NELL1: variants seen among roughly 807,000 people sequenced by gnomAD.
The protein encoded by NELL1 is neural EGFL like 1, also known as protein kinase C-binding protein NELL1.
In NELL1, 76 loss-of-function variants were observed where a neutral mutation model predicts 107.4. The observed-to-expected ratio is 0.71, with a 90% CI of 0.59 to 0.86. The LOEUF (loss-of-function observed/expected upper bound fraction) is 0.86, where lower values mean the gene tolerates loss of function less well. Among genes scored for constraint, NELL1 ranks in the 40% least tolerant of loss-of-function variants. The pLI, the probability that NELL1 is intolerant of heterozygous loss-of-function variation, is 0.00. For missense variants in NELL1, 1,024 were observed against 1,005.5 expected (o/e 1.02, Z -0.25); for synonymous variants, 353 against 341.2 (o/e 1.03, Z -0.38).
chr11:20,787,505 A>G (rs1170570883), intron 3 of NELL1, among the ~76,000 whole-genome samples: 1 of 152,188 alleles, frequency 6.6e-6, no homozygotes, highest in Non-Finnish European at 1.5e-5. Flanking sequence ...TTTGGCATGG[A>G]CATTTGACCA....
chr11:20,808,852 G>A (rs1259491349), intron 3 of NELL1, among the ~76,000 whole-genome samples: 1 of 152,260 alleles, frequency 6.6e-6, no homozygotes, highest in Non-Finnish European at 1.5e-5. Context: ...TTGCTATGTG[G>A]CTGCTGCTGG....
At chr11:21,010,162 C>T (rs576697765) in intron 12 of NELL1, among the ~76,000 whole-genome samples, 2 of 152,144 alleles carry the variant, frequency 1.3e-5, no homozygotes, top group East Asian at 1.9e-4. Context: ...ATATGTGTTA[C>T]ATGGCTTGTG....
chr11:20,693,492 ATC>A, intron 2 of NELL1, among the ~76,000 whole-genome samples: 1 of 150,350 alleles, frequency 6.7e-6, no homozygotes, highest in East Asian at 2.0e-4. Flanking sequence ...GGTTGACAAA[ATC>A]TCTCAGCATT....
chr11:21,355,340 A>G (rs750919912), intron 14 of NELL1, among the ~76,000 whole-genome samples: 9 of 152,326 alleles, frequency 5.9e-5, no homozygotes, highest in Non-Finnish European at 1.0e-4. Context: ...CGGGGCTGAT[A>G]TATTTAAAAA....
At chr11:21,479,644 A>C (rs1343536214) in intron 15 of NELL1, among the ~76,000 whole-genome samples, 3 of 152,200 alleles carry the variant, frequency 2.0e-5, no homozygotes, top group Non-Finnish European at 4.4e-5. Context: ...ACTAAAGTCA[A>C]CAGTAATTCA....
chr11:21,538,266 A>G (rs1319213401), intron 16 of NELL1, among the ~76,000 whole-genome samples: 1 of 152,146 alleles, frequency 6.6e-6, no homozygotes, highest in Non-Finnish European at 1.5e-5. Context: ...AGATGAGGAT[A>G]ATAGCACCTT....
At chr11:20,732,600 A>G (rs533920485) in intron 2 of NELL1, among the ~76,000 whole-genome samples, 26 of 152,140 alleles carry the variant, frequency 1.7e-4, no homozygotes, top group African/African-American at 3.1e-4. Context: ...ATTTGCAGCA[A>G]GAGGGGAAAA....
Position 20,928,386 on chromosome 11 carries a change from G to A in NELL1, c.904G>A (p.Val302Met), listed in dbSNP as rs375631199. The A allele has an allele frequency of 1.2e-5, 20 of 1,613,656 alleles. No homozygotes were observed. The highest frequency in any genetic ancestry group is 1.6e-4 in the Middle Eastern group (1 of 6,082). Residue 302 changes from valine (V) to methionine (M), a missense_variant, in exon 9 of 20, where the codon GTG becomes ATG. Transcript: ENST00000357134. ...CRNCTCKSGAVECRRMSCPPL... is the reference protein window; with the variant it reads ...CRNCTCKSGAMECRRMSCPPL... ...GTCCTTCCTTCCTCAGAGTGGTGCC[G>A]TGGAATGCCGAAGGATGTCCTGTCC...
intron 5 of NELL1, among the ~76,000 whole-genome samples, chr11:20,916,432 G>T (rs1349576808): frequency 1.3e-5 from 2 of 151,914 alleles, no homozygotes; most frequent in Non-Finnish European, 2.9e-5. Context: ...AGGATTAGCG[G>T]GATGGGGTAT....
chr11:20,854,599 G>A (rs1176024484), intron 4 of NELL1, among the ~76,000 whole-genome samples: 5 of 152,158 alleles, frequency 3.3e-5, no homozygotes, highest in Admixed American at 6.5e-5. Flanking sequence ...ATCACTTGCT[G>A]GAGTAGATAC....
intron 12 of NELL1, among the ~76,000 whole-genome samples, chr11:21,079,633 A>G (rs1193084907): frequency 6.6e-6 from 1 of 152,106 alleles, no homozygotes; most frequent in Admixed American, 6.5e-5. Context: ...GTTCAAAGAA[A>G]GAATAAAACA....
chr11:21,252,116 A>G (rs749888413), intron 14 of NELL1, among the ~76,000 whole-genome samples: 1 of 152,186 alleles, frequency 6.6e-6, no homozygotes, highest in African/African-American at 2.4e-5. Flanking sequence ...CTATTTATAG[A>G]TGAGACAACA....
At chr11:20,798,025 T>C (rs946413956) in intron 3 of NELL1, among the ~76,000 whole-genome samples, 2 of 152,230 alleles carry the variant, frequency 1.3e-5, no homozygotes, top group Admixed American at 6.5e-5. Flanking sequence ...ACAAGACATC[T>C]GGATTCTGAG....
intron 3 of NELL1, among the ~76,000 whole-genome samples, chr11:20,804,807 A>G (rs759409867): frequency 6.6e-5 from 10 of 152,212 alleles, no homozygotes; most frequent in Non-Finnish European, 1.2e-4. Flanking sequence ...TATTTGGTCT[A>G]TAGAGCAGAC....
chr11:21,314,686 C>T (rs1237218119), intron 14 of NELL1, among the ~76,000 whole-genome samples: 2 of 152,152 alleles, frequency 1.3e-5, no homozygotes, highest in Non-Finnish European at 2.9e-5. Context: ...TTATTATGGC[C>T]TGTGAAACAG....
intron 13 of NELL1, among the ~76,000 whole-genome samples, chr11:21,189,854 T>C (rs1228806051): frequency 6.6e-6 from 1 of 151,820 alleles, no homozygotes; most frequent in Non-Finnish European, 1.5e-5. Flanking sequence ...AAAAAAGATA[T>C]TTTGTTGCTG....
intron 14 of NELL1, among the ~76,000 whole-genome samples, chr11:21,301,697 A>G (rs992668985): frequency 2.6e-5 from 4 of 151,842 alleles, no homozygotes; most frequent in Non-Finnish European, 4.4e-5. Context: ...CTGTAGGTTA[A>G]CCATTCACTC....
At chr11:21,516,809 A>G (rs79580005) in intron 15 of NELL1, among the ~76,000 whole-genome samples, 1 of 145,340 alleles carries the variant, frequency 6.9e-6, no homozygotes, top group East Asian at 2.0e-4. Context: ...TGGCATTGGT[A>G]TTTTTTTTTT....
At chr11:20,821,712 T>C (rs545245820) in intron 3 of NELL1, among the ~76,000 whole-genome samples, 4 of 152,364 alleles carry the variant, frequency 2.6e-5, no homozygotes, top group Admixed American at 2.0e-4. Flanking sequence ...AGTGAGATAA[T>C]GTTCAAACAC....
Sources: gnomAD v4.1 joint callset for allele counts (sites outside exome capture counted in the v4.1 genomes callset) on GRCh38, gnomAD v4.1.1 for gene constraint, MANE v1.5 for transcripts, NCBI Gene and HGNC (gene_info 2026-07-23, HGNC 2026-07-21) for gene names.